Variants in TFE3 observed in about 807,000 individuals in gnomAD.
TFE3 encodes transcription factor binding to IGHM enhancer 3, also known as transcription factor E3.
Under a neutral mutation model 35.0 loss-of-function variants are expected in TFE3, and 5 were observed. The ratio of observed to expected loss-of-function variants is 0.14; its 90% CI spans 0.07 to 0.30. The LOEUF (loss-of-function observed/expected upper bound fraction) is 0.30. Ranked by LOEUF, TFE3 falls within the 10% of genes least tolerant of loss-of-function variation. The pLI is 1.00. For synonymous variants in TFE3, 211 were observed against 215.6 expected, an observed-to-expected ratio of 0.98 and a Z score of 0.18; for missense variants, 374 against 496.6, an observed-to-expected ratio of 0.75 and a Z score of 2.35.
At chrX:49,037,703 A>C (rs2064738313) in intron 5 of TFE3, 1 of 175,442 alleles carries the variant, frequency 5.7e-6, no homozygotes, top group East Asian at 1.3e-4. Flanking sequence ...CGTCTCGAAA[A>C]AAAAAAAAAA....
In TFE3 at chrX:49,039,109, T is replaced by C. The variant is rs1557075257; in HGVS notation, c.532A>G (p.Lys178Glu). ...AGGGCCTCTGGATCTCACCTTACCT[T>C]GAGCACCTCCCTGGGCACCTGAGCA... ...PPAQVPREVL[K>E]VQTHLENPTR... Residue 178 changes from lysine to glutamate, a missense_variant and splice_region_variant, in exon 3 of 10, where the codon AAG becomes GAG. Lys to Glu is a moderately conservative substitution (Grantham distance 56). Around this residue, in one of 3 missense-constraint regions of TFE3, gnomAD observed 167 missense variants for 297.2 expected, o/e 0.56. Coordinates refer to ENST00000315869, the MANE Select transcript of TFE3 (RefSeq NM_006521.6). The C allele has an allele frequency of 1.7e-6, 2 of 1,153,702 alleles. No homozygotes were observed. Among genetic ancestry groups the C allele is most frequent in the East Asian group, 3.0e-5 (1 of 32,957 alleles).
intron 1 of TFE3, among the ~76,000 whole-genome samples, chrX:49,041,652 C>T (rs1345251576): frequency 9.0e-6 from 1 of 110,881 alleles, no homozygotes; most frequent in African/African-American, 3.3e-5. Flanking sequence ...CACTGGCGCA[C>T]AAAATAAGAA....
At position 49,043,290 on chromosome X, in the gene TFE3, A is replaced by AT; in HGVS notation, c.-65dup. 1.2e-6 allele frequency: 1 copy of AT among 843,814 alleles called. No homozygotes were observed. The highest frequency in any genetic ancestry group is 2.6e-5 in the South Asian group (1 of 38,301). The allele number at this position is 843,814 out of a possible 1,213,427, so 69.5% of individuals were successfully genotyped here. A position where few individuals can be genotyped will look rare whatever the true frequency, so the allele number is the denominator to read the frequency against. ...GCCTCGGCCCGGTCCCCCTAACAAA[A>AT]TAAGAGTCCCCCCTCCCCCCAGCTC... is the stretch of plus-strand genomic sequence containing the variant. On this transcript the variant is annotated 5_prime_UTR_variant, in exon 1 of 10. Transcript: ENST00000315869.
In TFE3 at chrX:49,043,274, C is replaced by G; in HGVS notation, c.-48G>C. 1 of 988,574 alleles carries G rather than the reference C, an allele frequency of 1.0e-6. No individual in the cohort carries two copies. The highest frequency in any genetic ancestry group is 1.3e-6 in the Non-Finnish European group (1 of 741,024). The allele number at this position is 988,574 out of a possible 1,213,427, so 81.5% of individuals were successfully genotyped here. A position where few individuals can be genotyped will look rare whatever the true frequency, so the allele number is the denominator to read the frequency against. On this transcript the variant is annotated 5_prime_UTR_variant, in exon 1 of 10. Transcript: ENST00000315869. ...CTGCCAGGCCGGTCGGGCCTCGGCC[C>G]GGTCCCCCTAACAAAATAAGAGTCC... is the stretch of plus-strand genomic sequence containing the variant.
rs1557074284 is a variant in TFE3 at position 49,034,161 on chromosome X, G to C, written c.976C>G (p.Leu326Val). The C allele has an allele frequency of 8.3e-7, 1 of 1,210,552 alleles. No individual in the cohort carries two copies. The highest frequency in any genetic ancestry group is 1.8e-5 in the South Asian group (1 of 56,831). The change falls in exon 6 of 10, where the codon CTG becomes GTG. Residue 326 changes from leucine to valine, a missense_variant. By Grantham distance (32) the Leu-to-Val change is conservative (BLOSUM62 1). Transcript: ENST00000315869. ...GAGATCTCCCGTTTGATGTTGGGCA[G>C]CTCAGCTGGGCAGGAGTTGCTGACA... Reference protein sequence around the residue: ...ITVSNSCPAELPNIKREISET... With the variant: ...ITVSNSCPAEVPNIKREISET...
Position 49,031,441 on chromosome X carries a change from G to A in TFE3, c.1240C>T (p.Arg414Ter). 8.3e-7 allele frequency: 1 copy of A among 1,203,537 alleles called. No individual in the cohort carries two copies. Among genetic ancestry groups the A allele is most frequent in the East Asian group, 3.0e-5 (1 of 33,414 alleles). The change falls in exon 9 of 10, where the codon CGA becomes TGA. Residue 414 changes from arginine to a stop codon, truncating the protein, a stop_gained. Coordinates refer to ENST00000315869, the MANE Select transcript of TFE3 (RefSeq NM_006521.6). LOFTEE classifies it high-confidence loss of function. ...CTGCGGTTGGCCTGCTCCAGGGATC[G>A]CTGCCGGCTCTCCAGGTCTTTGGAG... is the stretch of plus-strand genomic sequence containing the variant. ...QRSKDLESRQ[R>*]SLEQANRSLQ...
In TFE3 at chrX:49,038,192, C is replaced by T; in HGVS notation, c.780+5G>A. 8.3e-7 allele frequency: 1 copy of T among 1,212,118 alleles called. No individual in the cohort carries two copies. Among genetic ancestry groups the T allele is most frequent in the Non-Finnish European group, 1.1e-6 (1 of 895,617 alleles). Reference sequence around the variant, plus strand: ...GTGGGAGGAGGTTTGGCTGTAGCCTCTTACCTCCTTCTCTGAGCTGGACCC... The same window carrying T: ...GTGGGAGGAGGTTTGGCTGTAGCCTTTTACCTCCTTCTCTGAGCTGGACCC... On this transcript the variant is annotated splice_donor_5th_base_variant and intron_variant, in intron 4 of 9. Transcript: ENST00000315869.
In TFE3 at chrX:49,033,443, GAGGGT is replaced by G. The variant is rs1569521106; in HGVS notation, c.1136+17_1136+21del. The G allele has an allele frequency of 3.3e-6, 4 of 1,204,234 alleles. No individual in the cohort carries two copies. The highest frequency in any genetic ancestry group is 4.4e-5 in the Admixed American group (2 of 45,572). On this transcript the variant is annotated intron_variant, in intron 8 of 9. Coordinates refer to ENST00000315869, the MANE Select transcript of TFE3 (RefSeq NM_006521.6). ...CGCCTGCCCCACCTCCCGCTGGCCT[GAGGGT>G]CCCAGCCCAGACTCACGGGTCACTG...
At chrX:49,032,083 T>G (rs1172310198) in intron 8 of TFE3, 2 of 112,476 alleles carry the variant, frequency 1.8e-5, no homozygotes, top group African/African-American at 6.5e-5. Context: ...TCATAATGGA[T>G]CTCATGGATG....
intron 5 of TFE3, 91 bp downstream of exon 5, chrX:49,037,919 G>A (rs1442003622): frequency 2.5e-6 from 2 of 807,262 alleles, no homozygotes; most frequent in African/African-American, 4.2e-5. Flanking sequence ...TCAAGGCAAG[G>A]GTCTCCTATA....
In TFE3 at chrX:49,031,457, G is replaced by A. The variant is rs1175032142; in HGVS notation, c.1224C>T (p.Asp408=). The A allele has an allele frequency of 1.7e-6, 2 of 1,202,642 alleles. No homozygotes were observed. The highest frequency in any genetic ancestry group is 2.2e-5 in the Admixed American group (1 of 45,014). ...CCAGGGATCGCTGCCGGCTCTCCAG[G>A]TCTTTGGAGCGCTGCTGCTCCTTCT... The part of the protein sequence containing the change: ...KLQKEQQRSK[D]LESRQRSLEQ... Residue 408 remains aspartate, a synonymous_variant, in exon 9 of 10, where the codon GAC becomes GAT. Transcript: ENST00000315869.
In TFE3 at chrX:49,030,466, C is replaced by T. The variant is rs782018183; in HGVS notation, c.1420G>A (p.Ala474Thr). Residue 474 changes from alanine to threonine, a missense_variant, in exon 10 of 10, where the codon GCA (alanine) becomes ACA (threonine). Coordinates refer to ENST00000315869, the MANE Select transcript of TFE3 (RefSeq NM_006521.6). ...CCCCCCCCTACATGGAACGTTGCTGCGCCTGGCCTGCCCTCCTCCTCAATG... is the reference window on the plus strand; with the variant it reads ...CCCCCCCCTACATGGAACGTTGCTGTGCCTGGCCTGCCCTCCTCCTCAATG... ...LDIEEEGRPG[A>T]ATFHVGGGPA... 10 of 1,209,519 alleles carry T rather than the reference C, an allele frequency of 8.3e-6. No homozygotes were observed. Among genetic ancestry groups the T allele is most frequent in the Non-Finnish European group, 1.0e-5 (9 of 895,062 alleles).
intron 1 of TFE3, among the ~76,000 whole-genome samples, chrX:49,041,490 C>T (rs2064760218): frequency 8.9e-6 from 1 of 111,805 alleles, no homozygotes; most frequent in South Asian, 3.7e-4. Context: ...CAAAGGCTCC[C>T]CTCGCTCCAA....
At chrX:49,040,390 C>A in intron 2 of TFE3, 65 bp downstream of exon 2, 1 of 894,149 alleles carries the variant, frequency 1.1e-6, no homozygotes, top group Non-Finnish European at 1.6e-6. Context: ...GGGCCTCTGC[C>A]CATCAAGAGG....
At chrX:49,036,756 A>G (rs1361714227) in intron 5 of TFE3, among the ~76,000 whole-genome samples, 2 of 110,945 alleles carry the variant, frequency 1.8e-5, no homozygotes, top group African/African-American at 3.3e-5. Flanking sequence ...GAGCCGAGAT[A>G]GCACCATTGC....
intron 7 of TFE3, 75 bp downstream of exon 7, chrX:49,033,651 C>T (rs2064712099): frequency 8.4e-7 from 1 of 1,186,057 alleles, no homozygotes; most frequent in African/African-American, 1.8e-5. Flanking sequence ...GGAAGGAGTT[C>T]CCCATGGGGG....
At chrX:49,035,278 C>T (rs1321255375) in intron 5 of TFE3, among the ~76,000 whole-genome samples, 1 of 104,846 alleles carries the variant, frequency 9.5e-6, no homozygotes, top group Non-Finnish European at 1.9e-5. Context: ...GCCAAGATCA[C>T]ACCACTGCAC....
In TFE3 at chrX:49,029,819, A is replaced by T. The variant is rs782246480; in HGVS notation, c.*339T>A. 2.1e-6 allele frequency: 1 copy of T among 480,037 alleles called. No individual in the cohort carries two copies. Among genetic ancestry groups the T allele is most frequent in the Non-Finnish European group, 3.9e-6 (1 of 257,599 alleles). 39.6% of individuals were successfully genotyped at this position (480,037 alleles called of 1,213,427 possible). A position where few individuals can be genotyped will look rare whatever the true frequency, so the allele number is the denominator to read the frequency against. On this transcript the variant is annotated 3_prime_UTR_variant, in exon 10 of 10. Coordinates refer to ENST00000315869, the MANE Select transcript of TFE3 (RefSeq NM_006521.6). ...ACAGTCCCTAGGGGACAGGGTCGAG[A>T]CCTCATCCTGTCTCCTTCCCTCACC...
intron 8 of TFE3, among the ~76,000 whole-genome samples, chrX:49,032,879 G>A (rs963937529): frequency 9.0e-6 from 1 of 111,313 alleles, no homozygotes; most frequent in African/African-American, 3.3e-5. Context: ...GTTTCACCAT[G>A]TTGGCCTTCA....
Sources: gnomAD v4.1 joint callset for allele counts (sites outside exome capture counted in the v4.1 genomes callset) on GRCh38, gnomAD v4.1.1 for gene constraint, gnomAD v4.1.1 regional missense constraint, MANE v1.5 for transcripts, NCBI Gene and HGNC (gene_info 2026-07-23, HGNC 2026-07-21) for gene names.